RTN1: variants seen among roughly 807,000 people sequenced by gnomAD.
RTN1 encodes the protein reticulon 1, also known as reticulon-1.
Under a neutral mutation model 65.5 loss-of-function variants are expected in RTN1, and 25 were observed. That is an observed-to-expected ratio of 0.38 (90% CI 0.28 to 0.53). The LOEUF (loss-of-function observed/expected upper bound fraction) is 0.53, where lower values mean the gene tolerates loss of function less well. RTN1 is among the 20% of genes least tolerant of loss of function. RTN1 has a pLI of 0.79. For missense variants in RTN1, 983 were observed against 1,025.4 expected (o/e 0.96, Z 0.57); for synonymous variants, 471 against 447.6 (o/e 1.05, Z -0.66).
intron 1 of RTN1, among the ~76,000 whole-genome samples, chr14:59,778,706 A>G (rs1469134496): frequency 6.6e-6 from 1 of 152,210 alleles, no homozygotes; most frequent in Non-Finnish European, 1.5e-5. Flanking sequence ...CTGAAAGGCA[A>G]TGAATCCTAA....
chr14:59,746,322 ACGTGGC>A lies in RTN1; in HGVS notation c.395_400del (p.Gly132_His133del). 6.2e-7 allele frequency: 1 copy of A among 1,614,174 alleles called. No individual in the cohort carries two copies. Among genetic ancestry groups the A allele is most frequent in the Non-Finnish European group, 8.5e-7 (1 of 1,180,022 alleles). ...CTCCTCAGGGCTCTCTGAAATGGTGACGTGGCCATTTTCCTTCTGAAGAATTCCAGT... is the reference window on the plus strand; with the variant it reads ...CTCCTCAGGGCTCTCTGAAATGGTGACATTTTCCTTCTGAAGAATTCCAGT... On this transcript the variant is annotated inframe_deletion, in exon 2 of 9. Transcript: ENST00000267484.
At position 59,794,178 on chromosome 14, in the gene RTN1, G is replaced by T. The variant is rs75709570; in HGVS notation, c.242-47697C>A. On this transcript the variant is annotated intron_variant, in intron 1 of 8. Coordinates refer to ENST00000267484, the MANE Select transcript of RTN1 (RefSeq NM_021136.3). The surrounding 1 kb of genome is among the most constrained non-coding windows in gnomAD (Gnocchi z 5.1). ...GTAAGTGTATGGTATTATCTTGGCC[G>T]TAATGATTAATTCCGGTATAGACAT... Among the ~76,000 whole-genome samples, 2 of 152,108 alleles carry T rather than the reference G, an allele frequency of 1.3e-5. No homozygotes were observed. Among genetic ancestry groups the T allele is most frequent in the Non-Finnish European group, 2.9e-5 (2 of 68,030 alleles).
intron 1 of RTN1, among the ~76,000 whole-genome samples, chr14:59,783,447 A>G (rs1886193156): frequency 6.6e-6 from 1 of 152,188 alleles, no homozygotes; most frequent in Non-Finnish European, 1.5e-5. Flanking sequence ...GGGATGGAAG[A>G]CAAAATAGCT....
At chr14:59,698,876 G>A (rs908480880) in intron 3 of RTN1, among the ~76,000 whole-genome samples, 3 of 152,118 alleles carry the variant, frequency 2.0e-5, no homozygotes, top group Non-Finnish European at 4.4e-5. Flanking sequence ...TCACTACAAG[G>A]TTACACTTCT....
chr14:59,754,983 T>G (rs1224467757), intron 1 of RTN1, among the ~76,000 whole-genome samples: 1 of 152,148 alleles, frequency 6.6e-6, no homozygotes, highest in Non-Finnish European at 1.5e-5. Flanking sequence ...CACAAAAAGC[T>G]GAAATTTACC....
intron 3 of RTN1, among the ~76,000 whole-genome samples, chr14:59,655,028 A>G (rs996636127): frequency 6.6e-6 from 1 of 152,194 alleles, no homozygotes; most frequent in Non-Finnish European, 1.5e-5. Flanking sequence ...AACTATCTCT[A>G]TCTGCACACA....
intron 2 of RTN1, among the ~76,000 whole-genome samples, chr14:59,744,549 C>T (rs546956076): frequency 6.6e-6 from 1 of 152,160 alleles, no homozygotes; most frequent in Non-Finnish European, 1.5e-5. Flanking sequence ...TAAAAAAGAC[C>T]ATAGCCTAAT....
At chr14:59,659,650 A>T (rs1402794846) in intron 3 of RTN1, among the ~76,000 whole-genome samples, 1 of 152,218 alleles carries the variant, frequency 6.6e-6, no homozygotes, top group Admixed American at 6.5e-5. Flanking sequence ...AAGCTTCATA[A>T]GTGAAGAAGA....
At chr14:59,771,144 C>T (rs7146207) in intron 1 of RTN1, among the ~76,000 whole-genome samples, 63,178 of 151,898 alleles carry the variant, frequency 0.42, 13,913 homozygotes, top group African/African-American at 0.56. Context: ...ATCTGTATTA[C>T]CTCTCTGTAG....
chr14:59,745,651 G>T, intron 2 of RTN1, 57 bp downstream of exon 2: 1 of 1,406,370 alleles, frequency 7.1e-7, no homozygotes. Flanking sequence ...TTTGTTTTAG[G>T]GATTGAGATT....
intron 1 of RTN1, among the ~76,000 whole-genome samples, chr14:59,795,467 G>A (rs1001025119): frequency 5.9e-5 from 9 of 152,110 alleles, no homozygotes; most frequent in African/African-American, 1.7e-4. Context: ...GCAGGAGGCC[G>A]AGGCAGGAGG....
intron 3 of RTN1, among the ~76,000 whole-genome samples, chr14:59,699,149 T>C (rs1280082382): frequency 6.6e-6 from 1 of 152,162 alleles, no homozygotes; most frequent in East Asian, 1.9e-4. Flanking sequence ...TTAATATGAA[T>C]GTGTCTTTTA....
At chr14:59,701,855 A>C (rs987495869) in intron 3 of RTN1, among the ~76,000 whole-genome samples, 6 of 152,202 alleles carry the variant, frequency 3.9e-5, no homozygotes, top group Non-Finnish European at 5.9e-5. Context: ...AAGCTGTATA[A>C]AAACAAATGA....
intron 3 of RTN1, among the ~76,000 whole-genome samples, chr14:59,682,987 G>A (rs1236899726): frequency 6.6e-6 from 1 of 151,962 alleles, no homozygotes. Context: ...TTTGGTTCTC[G>A]GTTAATATTT....
chr14:59,746,319 G>T lies in RTN1; in HGVS notation c.404C>A (p.Thr135Asn). The change falls in exon 2 of 9, where the codon ACC becomes AAC. Residue 135 changes from threonine to asparagine, a missense_variant. Physicochemically the swap from Thr to Asn is moderately conservative, Grantham distance 65. Coordinates refer to ENST00000267484, the MANE Select transcript of RTN1 (RefSeq NM_021136.3). ...CAGCTCCTCAGGGCTCTCTGAAATGGTGACGTGGCCATTTTCCTTCTGAAG... is the reference window on the plus strand; with the variant it reads ...CAGCTCCTCAGGGCTCTCTGAAATGTTGACGTGGCCATTTTCCTTCTGAAG... ...GILQKENGHV[T>N]ISESPEELGT... 6.2e-7 allele frequency: 1 copy of T among 1,614,168 alleles called. No individual in the cohort carries two copies. Among genetic ancestry groups the T allele is most frequent in the Non-Finnish European group, 8.5e-7 (1 of 1,180,016 alleles).
intron 3 of RTN1, among the ~76,000 whole-genome samples, chr14:59,631,057 T>C (rs1158206985): frequency 6.6e-6 from 1 of 152,218 alleles, no homozygotes; most frequent in African/African-American, 2.4e-5. Context: ...TTGCCACCGT[T>C]TACCTTTCAC....
intron 3 of RTN1, chr14:59,607,716 A>G (rs970875413): frequency 1.8e-6 from 1 of 558,392 alleles, no homozygotes; most frequent in African/African-American, 1.9e-5. Flanking sequence ...AAATTCACAT[A>G]TAAGAAAAGA....
At chr14:59,749,184 C>A (rs146095924) in intron 1 of RTN1, among the ~76,000 whole-genome samples, 8,214 of 55,782 alleles carry the variant, frequency 0.15, 977 homozygotes, top group African/African-American at 0.2. Flanking sequence ...ATCTATATAT[C>A]TATCTATATA....
chr14:59,780,362 T>C (rs1886131141), intron 1 of RTN1, among the ~76,000 whole-genome samples: 1 of 152,114 alleles, frequency 6.6e-6, no homozygotes, highest in Non-Finnish European at 1.5e-5. Context: ...AATTAGTAAA[T>C]GAGGGTATAT....
Sources: gnomAD v4.1 joint callset for allele counts (sites outside exome capture counted in the v4.1 genomes callset) on GRCh38, gnomAD v4.1.1 for gene constraint, Gnocchi (gnomAD v3.1) non-coding constraint, MANE v1.5 for transcripts, NCBI Gene and HGNC (gene_info 2026-07-23, HGNC 2026-07-21) for gene names.